The following ABCC1 variants were observed in gnomAD, a reference collection of about 807,000 sequenced individuals.
ABCC1 encodes the protein multidrug resistance-associated protein 1.
ABCC1 carries 83 observed loss-of-function variants against 172.9 expected under a neutral mutation model. The ratio of observed to expected loss-of-function variants is 0.48; its 90% CI spans 0.40 to 0.58. The LOEUF (loss-of-function observed/expected upper bound fraction) is 0.58. Among genes scored for constraint, ABCC1 ranks in the 20% least tolerant of loss-of-function variants. The pLI is 0.00. For missense variants in ABCC1, 1,817 were observed against 2,002.7 expected (o/e 0.91, Z 1.77); for synonymous variants, 937 against 825.2 (o/e 1.14, Z -2.32).
At chr16:15,988,255 G>A (rs2046785014) in intron 1 of ABCC1, among the ~76,000 whole-genome samples, 2 of 152,144 alleles carry the variant, frequency 1.3e-5, no homozygotes, top group Non-Finnish European at 2.9e-5. Flanking sequence ...AGCAAGGCTT[G>A]CCCTCTTCTC....
At chr16:16,127,279 C>T (rs976538354) in intron 26 of ABCC1, among the ~76,000 whole-genome samples, 1 of 152,126 alleles carries the variant, frequency 6.6e-6, no homozygotes, top group Non-Finnish European at 1.5e-5. Flanking sequence ...GAGTGTAGTG[C>T]GATCTCATTC....
chr16:15,958,136 C>T (rs1254475908), intron 1 of ABCC1, among the ~76,000 whole-genome samples: 9 of 151,768 alleles, frequency 5.9e-5, no homozygotes, highest in East Asian at 2.0e-4. Flanking sequence ...GACGAAGTCT[C>T]GCTCTGTCAC....
chr16:16,024,872 A>T (rs1234498518), intron 5 of ABCC1, among the ~76,000 whole-genome samples: 1 of 152,154 alleles, frequency 6.6e-6, no homozygotes, highest in Admixed American at 6.5e-5. Flanking sequence ...CCCTGTGCCC[A>T]CTACAGCATC....
chr16:16,090,281 C>T (rs1270649922), intron 18 of ABCC1, 124 bp from the exon 19 acceptor site: 8 of 1,036,834 alleles, frequency 7.7e-6, no homozygotes, highest in Non-Finnish European at 1.1e-5. Context: ...CATGTCCCAC[C>T]TTCAGACCTG....
intron 19 of ABCC1, among the ~76,000 whole-genome samples, chr16:16,093,905 G>A (rs1350611384): frequency 6.6e-6 from 1 of 150,872 alleles, no homozygotes; most frequent in Non-Finnish European, 1.5e-5. Flanking sequence ...GGGCCATACC[G>A]ACCTCTCTCC....
intron 5 of ABCC1, among the ~76,000 whole-genome samples, chr16:16,021,383 AT>A (rs1471792318): frequency 1.3e-5 from 2 of 151,802 alleles, no homozygotes; most frequent in African/African-American, 4.8e-5. Flanking sequence ...CATTTTAACC[AT>A]TTTAAGTATG....
At chr16:16,036,685 T>A in intron 7 of ABCC1, 82 bp downstream of exon 7, 1 of 1,428,942 alleles carries the variant, frequency 7.0e-7, no homozygotes. Context: ...GATGGGGCCC[T>A]GGCAGTGCTG....
Position 16,033,119 on chromosome 16 carries a change from C to G in ABCC1, c.626C>G (p.Pro209Arg). 1 of 1,614,178 alleles carries G rather than the reference C, an allele frequency of 6.2e-7. No homozygotes were observed. Among genetic ancestry groups the G allele is most frequent in the Non-Finnish European group, 8.5e-7 (1 of 1,180,018 alleles). Residue 209 changes from proline (P) to arginine (R), a missense_variant, in exon 6 of 31, where the codon CCA (proline) becomes CGA (arginine). Physicochemically the swap from Pro to Arg is moderately radical, Grantham distance 103. Coordinates refer to ENST00000399410, the MANE Select transcript of ABCC1 (RefSeq NM_004996.4). ...SETIHDPNPC[P>R]ESSASFLSRI... ...CTTTCTTTCCACTAGAATCCCTGCC[C>G]AGAGTCCAGCGCTTCCTTCCTGTCG...
At chr16:15,994,591 CTATT>C (rs550219068) in intron 1 of ABCC1, among the ~76,000 whole-genome samples, 126 of 152,162 alleles carry the variant, frequency 8.3e-4, no homozygotes, top group African/African-American at 2.7e-3. Flanking sequence ...ATTCCTGCTG[CTATT>C]TATTTATTTG....
chr16:16,062,393 C>G (rs2049955943), intron 12 of ABCC1, among the ~76,000 whole-genome samples: 1 of 152,136 alleles, frequency 6.6e-6, no homozygotes, highest in Non-Finnish European at 1.5e-5. Context: ...GCTGTCCAGG[C>G]TGGAGTACAG....
intron 27 of ABCC1, among the ~76,000 whole-genome samples, chr16:16,132,162 A>T (rs1270020530): frequency 6.6e-6 from 1 of 152,098 alleles, no homozygotes; most frequent in Non-Finnish European, 1.5e-5. Flanking sequence ...TGAAGACCAA[A>T]TGAGCCCCAC....
At chr16:16,004,868 T>A (rs57035599) in intron 1 of ABCC1, among the ~76,000 whole-genome samples, 1 of 150,998 alleles carries the variant, frequency 6.6e-6, no homozygotes, top group Non-Finnish European at 1.5e-5. Context: ...TTATGGGGGG[T>A]TCTTGCCATG....
chr16:16,011,571 T>C (rs1229236915), intron 3 of ABCC1, among the ~76,000 whole-genome samples: 1 of 151,992 alleles, frequency 6.6e-6, no homozygotes, highest in Non-Finnish European at 1.5e-5. Flanking sequence ...AGGCTTGAAC[T>C]CCTGGGCTCA....
chr16:15,966,685 C>G (rs1191302352), intron 1 of ABCC1, among the ~76,000 whole-genome samples: 3 of 146,392 alleles, frequency 2.0e-5, no homozygotes, highest in African/African-American at 7.6e-5. Flanking sequence ...GAGACTCACT[C>G]TGTTGCCCAG....
intron 1 of ABCC1, among the ~76,000 whole-genome samples, chr16:15,963,637 T>C (rs2046184815): frequency 6.6e-6 from 1 of 152,218 alleles, no homozygotes; most frequent in Non-Finnish European, 1.5e-5. Flanking sequence ...GCTTGGGGCT[T>C]GCACCCTCTG....
intron 1 of ABCC1, among the ~76,000 whole-genome samples, chr16:15,977,161 C>T (rs1194010762): frequency 3.3e-5 from 5 of 152,100 alleles, no homozygotes; most frequent in South Asian, 2.1e-4. Flanking sequence ...TTGAAGATGA[C>T]GGTGGTTTTT....
At chr16:16,016,822 C>A (rs968564390) in intron 5 of ABCC1, among the ~76,000 whole-genome samples, 2 of 152,204 alleles carry the variant, frequency 1.3e-5, no homozygotes, top group Non-Finnish European at 2.9e-5. Context: ...AGGAGAGAAT[C>A]TGCTTTGTCA....
chr16:16,102,732 G>A lies in ABCC1; in HGVS notation c.2735+15G>A, dbSNP rs77012452. ...CAACTGCAGAGGTAAGGGCGGGGAG[G>A]AAGGCCCCAACCTAAGGACCCTGCC... On this transcript the variant is annotated intron_variant, in intron 20 of 30. Transcript: ENST00000399410. 3 of 1,560,186 alleles carry A rather than the reference G, an allele frequency of 1.9e-6. No homozygotes were observed. Among genetic ancestry groups the A allele is most frequent in the African/African-American group, 2.7e-5 (2 of 73,768 alleles).
intron 5 of ABCC1, among the ~76,000 whole-genome samples, chr16:16,021,110 T>C (rs2048178570): frequency 1.3e-5 from 2 of 152,062 alleles, no homozygotes; most frequent in South Asian, 4.2e-4. Context: ...TGGTAATTTA[T>C]TGTTGTGTTA....
Sources: allele counts gnomAD v4.1 joint callset (sites outside exome capture counted in the v4.1 genomes callset), GRCh38; gene constraint gnomAD v4.1.1; transcripts MANE v1.5; gene names NCBI Gene and HGNC (gene_info 2026-07-23, HGNC 2026-07-21).